Variants in TASP1 observed in about 807,000 individuals in gnomAD.
TASP1 encodes threonine aspartase 1.
In TASP1, 16 loss-of-function variants were observed where a neutral mutation model predicts 56.6. The observed-to-expected ratio is 0.28, with a 90% CI of 0.19 to 0.43. The LOEUF (loss-of-function observed/expected upper bound fraction) is 0.43. TASP1 is among the 20% of genes least tolerant of loss of function. The probability of loss-of-function intolerance (pLI) is 1.00; values close to 1 mark genes in which losing one functional copy is unlikely to be tolerated. For synonymous variants in TASP1, 179 were observed against 184.2 expected, an observed-to-expected ratio of 0.97 and a Z score of 0.23; for missense variants, 393 against 511.6, an observed-to-expected ratio of 0.77 and a Z score of 2.24.
chr20:13,384,871 G>A (rs1247792004), downstream of TASP1, among the ~76,000 whole-genome samples: 2 of 152,176 alleles, frequency 1.3e-5, no homozygotes, highest in Admixed American at 6.5e-5. Flanking sequence ...TTCCTGGGAG[G>A]GGGAGTGGCT....
chr20:13,333,792 C>T, the TASP1 span, among the ~76,000 whole-genome samples: 2,061 of 152,304 alleles, frequency 0.014, 26 homozygotes, highest in Middle Eastern at 0.034. Context: ...TTTTAAAATG[C>T]ATCACACACT....
intron 13 of TASP1, among the ~76,000 whole-genome samples, chr20:13,412,557 C>A (rs542594217): frequency 6.6e-6 from 1 of 152,252 alleles, no homozygotes; most frequent in South Asian, 2.1e-4. Context: ...TGATAACCCC[C>A]CCTTGTGTAC....
the TASP1 span, among the ~76,000 whole-genome samples, chr20:13,243,862 A>T: frequency 6.6e-6 from 1 of 152,338 alleles, no homozygotes; most frequent in South Asian, 2.1e-4. Context: ...TTCTGCAGTT[A>T]GAATAGCAGG....
chr20:13,240,693 G>A, the TASP1 span, among the ~76,000 whole-genome samples: 491 of 152,312 alleles, frequency 3.2e-3, 5 homozygotes, highest in African/African-American at 0.011. Context: ...TAATGAGAGG[G>A]AAGAACATAG....
intron 10 of TASP1, among the ~76,000 whole-genome samples, chr20:13,485,494 A>G (rs528305438): frequency 1.3e-5 from 2 of 152,198 alleles, no homozygotes; most frequent in Admixed American, 6.5e-5. Context: ...AAATTGCCAG[A>G]TATTTCCCAG....
the TASP1 span, among the ~76,000 whole-genome samples, chr20:13,107,848 A>C: frequency 6.6e-6 from 1 of 150,924 alleles, no homozygotes; most frequent in Non-Finnish European, 1.5e-5. Flanking sequence ...GTAGCATACT[A>C]TATCTAATAC....
intron 10 of TASP1, among the ~76,000 whole-genome samples, chr20:13,528,084 G>A (rs995850181): frequency 3.3e-5 from 5 of 151,714 alleles, no homozygotes; most frequent in South Asian, 2.1e-4. Flanking sequence ...TCAGCCGGGT[G>A]TGGTGGTGCA....
the TASP1 span, among the ~76,000 whole-genome samples, chr20:13,134,701 G>A: frequency 5.9e-5 from 9 of 152,188 alleles, 1 homozygote; most frequent in Admixed American, 1.3e-4. Flanking sequence ...CTGTGCAGTG[G>A]GAGAAGTAAA....
the TASP1 span, among the ~76,000 whole-genome samples, chr20:13,143,557 T>G: frequency 6.6e-6 from 1 of 152,318 alleles, no homozygotes; most frequent in Admixed American, 6.5e-5. Flanking sequence ...ATTGGCTTCA[T>G]ACTGTTTGAG....
chr20:13,609,615 G>A (rs887769004), intron 4 of TASP1, among the ~76,000 whole-genome samples: 6 of 151,202 alleles, frequency 4.0e-5, no homozygotes, highest in Non-Finnish European at 8.8e-5. Flanking sequence ...TTGAACCTGG[G>A]AGGCGGAGGT....
At chr20:13,464,251 G>A (rs1486220620) in intron 11 of TASP1, among the ~76,000 whole-genome samples, 1 of 152,136 alleles carries the variant, frequency 6.6e-6, no homozygotes, top group Non-Finnish European at 1.5e-5. Context: ...ATCCAACATG[G>A]CTTGTGTCAT....
At chr20:13,499,152 C>T (rs148207111) in intron 10 of TASP1, among the ~76,000 whole-genome samples, 1 of 152,236 alleles carries the variant, frequency 6.6e-6, no homozygotes, top group African/African-American at 2.4e-5. Flanking sequence ...AAAATATGTC[C>T]TTCGCAGCAA....
chr20:13,218,236 G>A, the TASP1 span, among the ~76,000 whole-genome samples: 1 of 147,806 alleles, frequency 6.8e-6, no homozygotes, highest in African/African-American at 2.5e-5. Context: ...GGGTGACAGA[G>A]TGACTCTGTC....
At chr20:13,531,942 G>A (rs1568552513) in intron 9 of TASP1, among the ~76,000 whole-genome samples, 2 of 152,204 alleles carry the variant, frequency 1.3e-5, no homozygotes, top group Non-Finnish European at 2.9e-5. Flanking sequence ...GGGAATTACA[G>A]GCGTGAGCCA....
intron 11 of TASP1, among the ~76,000 whole-genome samples, chr20:13,482,189 T>A (rs560803648): frequency 1.8e-4 from 27 of 152,346 alleles, no homozygotes; most frequent in Non-Finnish European, 3.2e-4. Flanking sequence ...CCAGAGCGTA[T>A]GTTCTTGACA....
chr20:13,233,385 C>T, the TASP1 span, among the ~76,000 whole-genome samples: 3 of 151,832 alleles, frequency 2.0e-5, no homozygotes, highest in East Asian at 1.9e-4. Flanking sequence ...CACCTGAGGT[C>T]GGGAGTTCGA....
At chr20:13,547,183 A>C (rs1187640186) in intron 8 of TASP1, among the ~76,000 whole-genome samples, 2 of 152,234 alleles carry the variant, frequency 1.3e-5, no homozygotes, top group African/African-American at 2.4e-5. Flanking sequence ...ATACACAAAC[A>C]AAATAACCAC....
chr20:13,526,243 G>A (rs1264904339), intron 10 of TASP1, among the ~76,000 whole-genome samples: 2 of 152,064 alleles, frequency 1.3e-5, no homozygotes, highest in African/African-American at 4.8e-5. Flanking sequence ...GTTTAGAATA[G>A]AAGCCAATTC....
chr20:13,221,446 T>G, the TASP1 span, among the ~76,000 whole-genome samples: 1 of 143,078 alleles, frequency 7.0e-6, no homozygotes, highest in South Asian at 2.3e-4. Flanking sequence ...TCCCGGGCTG[T>G]CCCGGGACCC....
Sources: gnomAD v4.1 joint callset for allele counts (sites outside exome capture counted in the v4.1 genomes callset) on GRCh38, gnomAD v4.1.1 for gene constraint, MANE v1.5 for transcripts, NCBI Gene and HGNC (gene_info 2026-07-23, HGNC 2026-07-21) for gene names.